Variants in PAPPA2 observed in about 807,000 individuals in gnomAD.
The protein encoded by PAPPA2 is pappalysin-2.
A neutral mutation model predicts 176.4 loss-of-function variants in PAPPA2; 86 were observed. That is an observed-to-expected ratio of 0.49 (90% confidence interval 0.41 to 0.58). PAPPA2 has a LOEUF of 0.58. PAPPA2 is among the 20% of genes least tolerant of loss of function. The pLI is 0.00. For synonymous variants in PAPPA2, 809 were observed against 852.2 expected, an observed-to-expected ratio of 0.95 and a Z score of 0.88; for missense variants, 2,073 against 2,256.9, an observed-to-expected ratio of 0.92 and a Z score of 1.65.
intron 2 of PAPPA2, among the ~76,000 whole-genome samples, chr1:176,578,711 A>G (rs369242730): frequency 1.3e-5 from 2 of 152,196 alleles, no homozygotes; most frequent in African/African-American, 4.8e-5. Context: ...GCATATCCAT[A>G]TAAGGGAGGC....
chr1:176,493,904 T>C (rs1647450022), intron 1 of PAPPA2, among the ~76,000 whole-genome samples: 2 of 152,174 alleles, frequency 1.3e-5, no homozygotes, highest in Non-Finnish European at 2.9e-5. Flanking sequence ...AGAAACATCT[T>C]AGTTAGAGAA....
chr1:176,783,000 A>G (rs1446507248), intron 17 of PAPPA2, among the ~76,000 whole-genome samples: 3 of 152,164 alleles, frequency 2.0e-5, no homozygotes, highest in African/African-American at 4.8e-5. Context: ...CCAAAAAGGT[A>G]AGATTGAGAG....
At chr1:176,480,908 C>T (rs1652363683) in intron 1 of PAPPA2, among the ~76,000 whole-genome samples, 1 of 152,060 alleles carries the variant, frequency 6.6e-6, no homozygotes, top group Non-Finnish European at 1.5e-5. Context: ...CCACAGCAGC[C>T]ACCTTCAACG....
intron 1 of PAPPA2, among the ~76,000 whole-genome samples, chr1:176,482,855 T>C (rs962926832): frequency 6.6e-6 from 1 of 152,146 alleles, no homozygotes; most frequent in African/African-American, 2.4e-5. Context: ...AACCAAGAAG[T>C]GTGGCACTCT....
chr1:176,790,084 G>T (rs1224848019), intron 18 of PAPPA2, 107 bp downstream of exon 18: 7 of 1,298,958 alleles, frequency 5.4e-6, no homozygotes, highest in Non-Finnish European at 7.5e-6. Context: ...AACAGGCAGG[G>T]ACTTGGGATT....
chr1:176,828,995 T>C (rs988053686), intron 21 of PAPPA2, among the ~76,000 whole-genome samples: 1 of 151,578 alleles, frequency 6.6e-6, no homozygotes, highest in Non-Finnish European at 1.5e-5. Context: ...AACGCAAGAC[T>C]CCATCTCAAA....
At chr1:176,717,398 C>T (rs544331340) in intron 12 of PAPPA2, among the ~76,000 whole-genome samples, 18 of 152,276 alleles carry the variant, frequency 1.2e-4, no homozygotes, top group East Asian at 3.9e-4. Flanking sequence ...TATATAGTTC[C>T]GAAAACTCCT....
In PAPPA2 at chr1:176,711,860, T is replaced by C; in HGVS notation, c.3677T>C (p.Leu1226Ser). The change falls in exon 12 of 23, where the codon TTA becomes TCA. Residue 1226 changes from leucine (L) to serine (S), a missense_variant. Around this residue, in one of 4 missense-constraint regions of PAPPA2, gnomAD observed 846 missense variants for 857.9 expected, o/e 0.99. Transcript: ENST00000367662. The part of the protein sequence containing the change: ...SLICTSYHPD[L>S]PNHRPLTGWF... The stretch of plus-strand genomic sequence containing the variant: ...ATTTGCACATCATACCATCCAGATT[T>C]ACCCAACCACCGTCCCCTAACTGGC... The C allele has an allele frequency of 6.2e-7, 1 of 1,612,000 alleles. No homozygotes were observed. Among genetic ancestry groups the C allele is most frequent in the African/African-American group, 1.3e-5 (1 of 75,014 alleles).
At chr1:176,623,611 C>CTTTTTTAT (rs1558479008) in intron 3 of PAPPA2, among the ~76,000 whole-genome samples, 1 of 112,150 alleles carries the variant, frequency 8.9e-6, no homozygotes, top group African/African-American at 3.8e-5. Flanking sequence ...TCCTTCCTTC[C>CTTTTTTAT]TTCCTTCCTT....
chr1:176,835,580 C>A (rs1289228323), intron 21 of PAPPA2, among the ~76,000 whole-genome samples: 1 of 152,292 alleles, frequency 6.6e-6, no homozygotes, highest in Admixed American at 6.5e-5. Flanking sequence ...AGTGCAATGG[C>A]ACAATCCTGA....
At chr1:176,616,364 T>C in intron 3 of PAPPA2, 1 of 576,950 alleles carries the variant, frequency 1.7e-6, no homozygotes, top group Non-Finnish European at 3.3e-6. Context: ...GTTGCTTGCT[T>C]TTAAAAGCTC....
intron 11 of PAPPA2, among the ~76,000 whole-genome samples, 179 bp from the exon 12 acceptor site, chr1:176,711,656 T>G (rs184622054): frequency 1.6e-4 from 25 of 152,312 alleles, no homozygotes; most frequent in Non-Finnish European, 3.5e-4. Flanking sequence ...AAGTTATATC[T>G]TGATGTTAAA....
intron 1 of PAPPA2, among the ~76,000 whole-genome samples, chr1:176,496,454 G>C (rs1460365746): frequency 6.6e-6 from 1 of 152,172 alleles, no homozygotes; most frequent in East Asian, 1.9e-4. Flanking sequence ...GAAGTTACCT[G>C]GTCTGTGTGG....
chr1:176,490,705 A>T (rs530420784), intron 1 of PAPPA2, among the ~76,000 whole-genome samples: 95 of 152,268 alleles, frequency 6.2e-4, no homozygotes, highest in African/African-American at 2.2e-3. Context: ...CCAGTGCAGG[A>T]ATCAGCTGGC....
intron 1 of PAPPA2, among the ~76,000 whole-genome samples, chr1:176,519,312 C>T (rs930365150): frequency 2.3e-4 from 35 of 152,234 alleles, no homozygotes; most frequent in African/African-American, 7.0e-4. Flanking sequence ...GAGCTACACT[C>T]GGCCCTCCCT....
chr1:176,716,873 A>G (rs1249429767), intron 12 of PAPPA2, among the ~76,000 whole-genome samples: 1 of 151,922 alleles, frequency 6.6e-6, no homozygotes, highest in Non-Finnish European at 1.5e-5. Context: ...GGCCTCCCAA[A>G]GTGCTGGGAT....
chr1:176,513,632 T>C (rs1409040405), intron 1 of PAPPA2, among the ~76,000 whole-genome samples: 1 of 152,194 alleles, frequency 6.6e-6, no homozygotes, highest in Non-Finnish European at 1.5e-5. Flanking sequence ...CAATCTCTCA[T>C]TCCACAAATT....
chr1:176,788,788 T>C (rs973023102), intron 17 of PAPPA2, among the ~76,000 whole-genome samples: 3 of 152,340 alleles, frequency 2.0e-5, no homozygotes, highest in Non-Finnish European at 4.4e-5. Context: ...AGTTATGAAC[T>C]CTTTCCAAGG....
At chr1:176,476,786 G>A (rs1176659158) in intron 1 of PAPPA2, among the ~76,000 whole-genome samples, 1 of 152,196 alleles carries the variant, frequency 6.6e-6, no homozygotes, top group Non-Finnish European at 1.5e-5. Context: ...TAGAGGTTAT[G>A]ATTCTGTATG....
Sources: allele counts gnomAD v4.1 joint callset (sites outside exome capture counted in the v4.1 genomes callset), GRCh38; gene constraint gnomAD v4.1.1; regional missense constraint gnomAD v4.1.1; transcripts MANE v1.5; gene names NCBI Gene and HGNC (gene_info 2026-07-23, HGNC 2026-07-21).